MAMDC2: variants seen among roughly 807,000 people sequenced by gnomAD.
MAMDC2 encodes MAM domain containing 2, also known as MAM domain-containing protein 2.
Under a neutral mutation model 89.8 loss-of-function variants are expected in MAMDC2, and 57 were observed. The observed-to-expected ratio is 0.63, with a 90% confidence interval of 0.51 to 0.79. The LOEUF is 0.79. Among genes scored for constraint, MAMDC2 ranks in the 30% least tolerant of loss-of-function variants. MAMDC2 has a pLI of 0.00. For synonymous variants in MAMDC2, 313 were observed against 293.4 expected, an observed-to-expected ratio of 1.07 and a Z score of -0.68; for missense variants, 800 against 820.6, an observed-to-expected ratio of 0.97 and a Z score of 0.31.
At chr9:70,148,550 CT>C (rs1404123487) in intron 9 of MAMDC2, among the ~76,000 whole-genome samples, 1 of 150,304 alleles carries the variant, frequency 6.7e-6, no homozygotes, top group African/African-American at 2.5e-5. Context: ...TGTCTGTTGA[CT>C]GATTGCCACA....
intron 2 of MAMDC2, among the ~76,000 whole-genome samples, chr9:70,045,965 G>A (rs1398941786): frequency 2.6e-5 from 4 of 152,176 alleles, no homozygotes; most frequent in Admixed American, 6.5e-5. Context: ...TTTATTATTC[G>A]AGGGATTCCT....
In MAMDC2 at chr9:70,155,625, C is replaced by G. The variant is rs1563978419; in HGVS notation, c.1404+11806C>G. 2.0e-5 allele frequency among the ~76,000 whole-genome samples: 3 copies of G among 152,150 alleles called. No homozygotes were observed. The South Asian group carries it at 6.2e-4, about 32-fold the overall frequency. ...ATAAACCTTCCTTTCATCTCAGTACCCATTTAAGTTGCCAATCCCTCCCAT... is the reference window on the plus strand; with the variant it reads ...ATAAACCTTCCTTTCATCTCAGTACGCATTTAAGTTGCCAATCCCTCCCAT... On this transcript the variant is annotated intron_variant, in intron 9 of 13. Coordinates refer to ENST00000377182, the MANE Select transcript of MAMDC2 (RefSeq NM_153267.5).
At chr9:70,211,058 A>AT (rs2033345264) in intron 11 of MAMDC2, among the ~76,000 whole-genome samples, 1 of 152,000 alleles carries the variant, frequency 6.6e-6, no homozygotes, top group Non-Finnish European at 1.5e-5. Context: ...TGCCCTTAAC[A>AT]TTTTTCCTCC....
chr9:70,048,077 A>T (rs1826800573), intron 2 of MAMDC2, among the ~76,000 whole-genome samples: 1 of 152,200 alleles, frequency 6.6e-6, no homozygotes, highest in African/African-American at 2.4e-5. Context: ...GGCATCGGGC[A>T]CTGAAACCCA....
At chr9:70,200,585 G>A (rs2033081039) in intron 11 of MAMDC2, among the ~76,000 whole-genome samples, 2 of 149,402 alleles carry the variant, frequency 1.3e-5, no homozygotes, top group South Asian at 4.3e-4. Context: ...CCAATTCTGT[G>A]AAGAAAGTCA....
chr9:70,056,671 G>T (rs1379390295), intron 2 of MAMDC2, among the ~76,000 whole-genome samples: 1 of 152,052 alleles, frequency 6.6e-6, no homozygotes, highest in African/African-American at 2.4e-5. Flanking sequence ...TTTAAAGCAG[G>T]GGTCCCAACC....
At chr9:70,136,456 T>A (rs957390721) in intron 7 of MAMDC2, among the ~76,000 whole-genome samples, 15 of 152,316 alleles carry the variant, frequency 9.8e-5, no homozygotes, top group Middle Eastern at 3.4e-3. Flanking sequence ...AGGACATAGC[T>A]TGGTTGCTTT....
intron 2 of MAMDC2, among the ~76,000 whole-genome samples, chr9:70,068,741 A>AG (rs1554666854): frequency 1.3e-5 from 2 of 151,576 alleles, no homozygotes; most frequent in South Asian, 4.2e-4. Flanking sequence ...AAAAAAAAAA[A>AG]AAAGGCAATA....
intron 5 of MAMDC2, among the ~76,000 whole-genome samples, chr9:70,121,975 T>A (rs558706185): frequency 6.6e-6 from 1 of 152,312 alleles, no homozygotes; most frequent in African/African-American, 2.4e-5. Flanking sequence ...TGGCTGTCAT[T>A]CCTCCAGCCT....
At chr9:70,157,290 T>C (rs770560323) in intron 9 of MAMDC2, among the ~76,000 whole-genome samples, 9 of 152,224 alleles carry the variant, frequency 5.9e-5, no homozygotes, top group Non-Finnish European at 1.2e-4. Context: ...GGGGATCCTC[T>C]GGTTTTCTGA....
chr9:70,165,573 T>C (rs7024117), intron 9 of MAMDC2, among the ~76,000 whole-genome samples: 130,442 of 152,260 alleles, frequency 0.86, 56,116 homozygotes, highest in East Asian at 0.96. Context: ...GTGGAAAAAG[T>C]GCTAAGGTAG....
At position 70,170,623 on chromosome 9, in the gene MAMDC2, C is replaced by T; in HGVS notation, c.1643C>T (p.Thr548Ile). ...ACAGGACCAAAGGGAGATCACACTA[C>T]TGGGGTAGGTGAGTTATGCCACGTG... ...SYTGPKGDHT[T>I]GVGYYMYIEA... is the part of the protein sequence containing the mutation. The change falls in exon 11 of 14, where the codon ACT (threonine) becomes ATT (isoleucine). Residue 548 changes from threonine to isoleucine, a missense_variant. Coordinates refer to ENST00000377182, the MANE Select transcript of MAMDC2 (RefSeq NM_153267.5). 6.3e-7 allele frequency: 1 copy of T among 1,599,786 alleles called. No homozygotes were observed. The highest frequency in any genetic ancestry group is 8.5e-7 in the Non-Finnish European group (1 of 1,174,808).
At chr9:70,135,659 T>C (rs1440252856) in intron 7 of MAMDC2, among the ~76,000 whole-genome samples, 1 of 152,180 alleles carries the variant, frequency 6.6e-6, no homozygotes, top group Non-Finnish European at 1.5e-5. Flanking sequence ...AGTGTAGTTT[T>C]AGGTTCACAG....
rs2032954967 is a variant in MAMDC2, at chr9:70,195,238, A to G, written c.1652-23099A>G. Reference sequence around the variant, plus strand: ...TTCTAGTAGAACAACAATAAAGACCAAAAAGCAAACCAACCAACCAAATCC... The same window carrying G: ...TTCTAGTAGAACAACAATAAAGACCGAAAAGCAAACCAACCAACCAAATCC... On this transcript the variant is annotated intron_variant, in intron 11 of 13. Coordinates refer to ENST00000377182, the MANE Select transcript of MAMDC2 (RefSeq NM_153267.5). 2.0e-5 allele frequency among the ~76,000 whole-genome samples: 3 copies of G among 152,252 alleles called. No individual in the cohort carries two copies. The South Asian group carries it at 6.2e-4, about 32-fold the overall frequency.
intron 7 of MAMDC2, among the ~76,000 whole-genome samples, chr9:70,139,424 T>C (rs984568445): frequency 6.0e-5 from 9 of 151,222 alleles, no homozygotes; most frequent in Admixed American, 5.9e-4. Context: ...TCCAATTTCA[T>C]CCATGTCCCT....
chr9:70,071,053 G>T (rs1827394428), intron 2 of MAMDC2, among the ~76,000 whole-genome samples: 1 of 152,144 alleles, frequency 6.6e-6, no homozygotes. Flanking sequence ...AACAGGAAAT[G>T]AAAAAGGACC....
chr9:70,150,998 C>T (rs974004542), intron 9 of MAMDC2, among the ~76,000 whole-genome samples: 6 of 152,226 alleles, frequency 3.9e-5, no homozygotes, highest in African/African-American at 1.4e-4. Context: ...GATCACTGCC[C>T]ACTTTGCTGG....
chr9:70,130,240 C>T (rs116551870), intron 6 of MAMDC2, among the ~76,000 whole-genome samples: 1,683 of 152,062 alleles, frequency 0.011, 31 homozygotes, highest in African/African-American at 0.037. Flanking sequence ...TGCAGGGGGA[C>T]GCAGGTCAAC....
At chr9:70,170,704 T>C in intron 11 of MAMDC2, 73 bp downstream of exon 11, 1 of 1,407,596 alleles carries the variant, frequency 7.1e-7, no homozygotes, top group East Asian at 2.4e-5. Context: ...GTTTACTGCA[T>C]TTTGAAATGT....
Sources: allele counts gnomAD v4.1 joint callset (sites outside exome capture counted in the v4.1 genomes callset), GRCh38; gene constraint gnomAD v4.1.1; transcripts MANE v1.5; gene names NCBI Gene and HGNC (gene_info 2026-07-23, HGNC 2026-07-21).